The following TMC1 variants were observed in gnomAD, a reference collection of about 807,000 sequenced individuals.
TMC1 encodes the protein transmembrane channel like 1, also known as transmembrane channel-like protein 1.
In TMC1, 84 loss-of-function variants were observed where a neutral mutation model predicts 105.8. The ratio of observed to expected loss-of-function variants is 0.79; its 90% CI spans 0.67 to 0.95. The LOEUF (loss-of-function observed/expected upper bound fraction) is 0.95, where lower values mean the gene tolerates loss of function less well. Ranked by LOEUF, TMC1 falls within the 40% of genes least tolerant of loss-of-function variation. The pLI is 0.00. For synonymous variants in TMC1, 315 were observed against 311.5 expected, an observed-to-expected ratio of 1.01 and a Z score of -0.12; for missense variants, 817 against 914.1, an observed-to-expected ratio of 0.89 and a Z score of 1.37.
At chr9:72,707,682 G>A (rs1025588831) in intron 8 of TMC1, among the ~76,000 whole-genome samples, 1 of 152,050 alleles carries the variant, frequency 6.6e-6, no homozygotes, top group Non-Finnish European at 1.5e-5. Context: ...TGTAGAGATT[G>A]TGAAGACCTT....
At chr9:72,764,525 TAA>T (rs1827801933) in intron 12 of TMC1, among the ~76,000 whole-genome samples, 1 of 152,300 alleles carries the variant, frequency 6.6e-6, no homozygotes, top group Admixed American at 6.5e-5. Context: ...TAGGAAAAAT[TAA>T]AGAGTTTTTC....
intron 21 of TMC1, among the ~76,000 whole-genome samples, chr9:72,828,420 A>AACAC (rs35308376): frequency 0.13 from 20,034 of 149,850 alleles, 1,394 homozygotes; most frequent in Non-Finnish European, 0.17. Flanking sequence ...TGTTGTTTAA[A>AACAC]ACACACACAC....
At chr9:72,779,478 T>C (rs1828057452) in intron 13 of TMC1, among the ~76,000 whole-genome samples, 1 of 152,198 alleles carries the variant, frequency 6.6e-6, no homozygotes, top group South Asian at 2.1e-4. Flanking sequence ...TGTTGAGATT[T>C]AGTAGGAAGT....
chr9:72,786,385 A>T (rs998954604), intron 13 of TMC1, among the ~76,000 whole-genome samples: 1 of 152,182 alleles, frequency 6.6e-6, no homozygotes, highest in Non-Finnish European at 1.5e-5. Context: ...CGGAGCTTGC[A>T]TTGAGCCGAG....
chr9:72,772,283 A>G, intron 12 of TMC1, 130 bp from the exon 13 acceptor site: 2 of 1,115,528 alleles, frequency 1.8e-6, no homozygotes, highest in Non-Finnish European at 2.7e-6. Flanking sequence ...GCAAAACAAT[A>G]GGGCTCATGT....
At chr9:72,791,814 C>G (rs1205364387) in intron 15 of TMC1, 72 bp from the exon 16 acceptor site, 9 of 1,380,976 alleles carry the variant, frequency 6.5e-6, no homozygotes, top group Non-Finnish European at 9.2e-6. Flanking sequence ...CAGAATCTTC[C>G]AAAATTCTGG....
chr9:72,718,249 T>C lies in TMC1; in HGVS notation c.362+17606T>C, dbSNP rs115460370. 4.2e-3 allele frequency among the ~76,000 whole-genome samples: 635 copies of C among 152,282 alleles called. 5 individuals carry two copies. The highest frequency in any genetic ancestry group is 0.015 in the African/African-American group (605 of 41,554). ...GTTTGGATCCATTGCTGGTGAGCTA[T>C]TGTGATTTTTTGATGATGTTAAAGA... On this transcript the variant is annotated intron_variant, in intron 8 of 23. Transcript: ENST00000297784.
At chr9:72,618,655 G>T (rs934700359) in intron 3 of TMC1, among the ~76,000 whole-genome samples, 3 of 151,860 alleles carry the variant, frequency 2.0e-5, no homozygotes, top group African/African-American at 7.3e-5. Context: ...TAGTAATTTT[G>T]GTATTGTTAT....
chr9:72,731,642 T>C (rs1044815530), intron 8 of TMC1, among the ~76,000 whole-genome samples: 8 of 152,212 alleles, frequency 5.3e-5, no homozygotes, highest in Admixed American at 5.2e-4. Flanking sequence ...AAAAATACTC[T>C]GGATCCTTAC....
chr9:72,764,750 T>A (rs1456732411), intron 12 of TMC1, among the ~76,000 whole-genome samples: 1 of 152,216 alleles, frequency 6.6e-6, no homozygotes, highest in Non-Finnish European at 1.5e-5. Flanking sequence ...AAGCAATTTT[T>A]TTTTGTTCAT....
At chr9:72,698,964 A>G (rs1328545594) in intron 7 of TMC1, among the ~76,000 whole-genome samples, 1 of 152,272 alleles carries the variant, frequency 6.6e-6, no homozygotes, top group East Asian at 1.9e-4. Context: ...AAGCCACAGG[A>G]AAGACGGAGA....
At chr9:72,626,739 G>A (rs1825354392) in intron 3 of TMC1, among the ~76,000 whole-genome samples, 1 of 152,158 alleles carries the variant, frequency 6.6e-6, no homozygotes, top group South Asian at 2.1e-4. Flanking sequence ...GAGGGAAACT[G>A]GGGGCTAGGG....
intron 8 of TMC1, among the ~76,000 whole-genome samples, chr9:72,724,161 T>C (rs1056811680): frequency 1.3e-5 from 2 of 152,206 alleles, no homozygotes; most frequent in African/African-American, 4.8e-5. Context: ...TTGTTTTAGT[T>C]TCCTGCTGCT....
rs370898981 is a variant in TMC1 at position 72,816,213 on chromosome 9, A to G, written c.1763+3A>G. On this transcript the variant is annotated splice_donor_region_variant and intron_variant, in intron 19 of 23. Coordinates refer to ENST00000297784, the MANE Select transcript of TMC1 (RefSeq NM_138691.3). ...ATCTTCAACCAAGGCATGATCTGGT[A>G]GGCCAGCTGTTGGACAGCTTATCAC... 1,226 of 1,613,382 alleles carry G rather than the reference A, an allele frequency of 7.6e-4. No homozygotes were observed. Among genetic ancestry groups the G allele is most frequent in the Non-Finnish European group, 9.2e-4 (1,085 of 1,179,356 alleles).
rs547846021 is a variant in TMC1, at chr9:72,761,721, A to C, written c.741+6837A>C. On this transcript the variant is annotated intron_variant, in intron 12 of 23. Transcript: ENST00000297784. Reference sequence around the variant, plus strand: ...TTAGACACATATAGAATGTTAATAAAAAGGAGATAAGTTCTTTAATCAACA... The same window carrying C: ...TTAGACACATATAGAATGTTAATAACAAGGAGATAAGTTCTTTAATCAACA... Among the ~76,000 whole-genome samples, 3 of 152,346 alleles carry C rather than the reference A, an allele frequency of 2.0e-5. No homozygotes were observed. The South Asian group carries it at 6.2e-4, about 32-fold the overall frequency.
intron 2 of TMC1, among the ~76,000 whole-genome samples, chr9:72,585,851 G>A (rs191082477): frequency 1.7e-4 from 26 of 152,296 alleles, no homozygotes; most frequent in Admixed American, 1.1e-3. Context: ...ATGGGGCGTA[G>A]ATGGAGAAGC....
intron 2 of TMC1, among the ~76,000 whole-genome samples, chr9:72,608,447 C>T (rs1391958748): frequency 6.6e-6 from 1 of 152,076 alleles, no homozygotes; most frequent in Non-Finnish European, 1.5e-5. Flanking sequence ...TGGCCCACGC[C>T]TGTAATCCCA....
chr9:72,523,889 C>T (rs941347614), intron 1 of TMC1, among the ~76,000 whole-genome samples: 3 of 152,206 alleles, frequency 2.0e-5, no homozygotes, highest in South Asian at 2.1e-4. Context: ...AACTCAAAGC[C>T]GGTAAATGCT....
At chr9:72,680,754 AT>A (rs1826273317) in intron 5 of TMC1, among the ~76,000 whole-genome samples, 1 of 152,114 alleles carries the variant, frequency 6.6e-6, no homozygotes, top group African/African-American at 2.4e-5. Context: ...ACTCATTAAC[AT>A]TTGCTAATGT....
Sources: gnomAD v4.1 joint callset for allele counts (sites outside exome capture counted in the v4.1 genomes callset) on GRCh38, gnomAD v4.1.1 for gene constraint, MANE v1.5 for transcripts, NCBI Gene and HGNC (gene_info 2026-07-23, HGNC 2026-07-21) for gene names.